Variants in ZNF682 observed in about 807,000 individuals in gnomAD.
The protein encoded by ZNF682 is zinc finger protein 682.
ZNF682 carries 29 observed loss-of-function variants against 36.5 expected under a neutral mutation model. That is an observed-to-expected ratio of 0.80 (90% CI 0.59 to 1.08). ZNF682 has a LOEUF of 1.08. Ranked by LOEUF, ZNF682 falls within the 50% of genes least tolerant of loss-of-function variation. ZNF682 has a pLI of 0.00. For synonymous variants in ZNF682, 180 were observed against 197.0 expected (o/e 0.91, Z 0.72); for missense variants, 561 against 579.7 (o/e 0.97, Z 0.33).
intron 3 of ZNF682, among the ~76,000 whole-genome samples, chr19:20,011,824 T>C (rs1463030566): frequency 1.3e-5 from 2 of 151,906 alleles, no homozygotes; most frequent in Non-Finnish European, 2.9e-5. Flanking sequence ...GATCACGAGA[T>C]CAGAGGTTCA....
intron 1 of ZNF682, chr19:20,034,001 C>A: frequency 6.4e-6 from 1 of 156,500 alleles, no homozygotes; most frequent in Non-Finnish European, 1.5e-5. Flanking sequence ...GCTTCTGAAA[C>A]ACCCAAGGCA....
chr19:20,013,173 A>C (rs573777294), intron 3 of ZNF682, among the ~76,000 whole-genome samples: 50 of 152,242 alleles, frequency 3.3e-4, no homozygotes, highest in African/African-American at 1.2e-3. Context: ...AAATTACATA[A>C]GGCAAACTAC....
intron 3 of ZNF682, among the ~76,000 whole-genome samples, chr19:20,018,023 C>T (rs78902790): frequency 0.076 from 11,280 of 148,932 alleles, 634 homozygotes; most frequent in East Asian, 0.2. Context: ...ATCAAAATCT[C>T]CATGGTAGTT....
chr19:20,023,841 C>T (rs2088408717), intron 2 of ZNF682, among the ~76,000 whole-genome samples: 1 of 151,650 alleles, frequency 6.6e-6, no homozygotes. Flanking sequence ...AATTAGCTGG[C>T]CGTGGTGGTG....
chr19:20,009,377 T>C (rs1220466514), intron 3 of ZNF682, among the ~76,000 whole-genome samples: 1 of 152,138 alleles, frequency 6.6e-6, no homozygotes, highest in South Asian at 2.1e-4. Context: ...TATGGAATTA[T>C]GTAAAGGGGT....
chr19:20,035,811 C>T (rs2088524302), intron 1 of ZNF682, among the ~76,000 whole-genome samples: 1 of 151,854 alleles, frequency 6.6e-6, no homozygotes, highest in African/African-American at 2.4e-5. Context: ...TCCTGGCTCA[C>T]TGCAACCTCT....
At chr19:20,012,446 C>T (rs971186285) in intron 3 of ZNF682, among the ~76,000 whole-genome samples, 7 of 152,094 alleles carry the variant, frequency 4.6e-5, no homozygotes, top group Non-Finnish European at 1.0e-4. Context: ...ATGCATCTGA[C>T]AAGGAACTAA....
chr19:20,028,179 G>A (rs115102934), intron 1 of ZNF682, among the ~76,000 whole-genome samples: 1,608 of 152,106 alleles, frequency 0.011, 27 homozygotes, highest in African/African-American at 0.037. Context: ...GAAATCATCT[G>A]GTATTTCAAG....
chr19:20,036,666 T>G (rs1303508799), intron 1 of ZNF682, among the ~76,000 whole-genome samples: 1 of 140,218 alleles, frequency 7.1e-6, no homozygotes, highest in Non-Finnish European at 1.6e-5. Context: ...AGAAAAAAGG[T>G]ACATATAAAA....
At chr19:20,037,154 G>A (rs1599620694) in intron 1 of ZNF682, among the ~76,000 whole-genome samples, 1 of 152,326 alleles carries the variant, frequency 6.6e-6, no homozygotes, top group East Asian at 1.9e-4. Flanking sequence ...TTGAACTACT[G>A]GACATCTGAC....
chr19:20,005,860 A>T lies in ZNF682; in HGVS notation c.*145T>A, dbSNP rs1258803886. The T allele has an allele frequency of 1.2e-6, 1 of 815,080 alleles. No individual in the cohort carries two copies. The highest frequency in any genetic ancestry group is 1.9e-6 in the Non-Finnish European group (1 of 533,038). The allele number at this position is 815,080 out of a possible 1,614,324, so 50.5% of individuals were successfully genotyped here. A position where few individuals can be genotyped will look rare whatever the true frequency, so the allele number is the denominator to read the frequency against. On this transcript the variant is annotated 3_prime_UTR_variant, in exon 4 of 4. Transcript: ENST00000397165. ...TTCTTCTGTGCAATAAGCTGTCAGC[A>T]ATGGTTGAAGACTTTCCCCACATTC...
chr19:20,027,791 A>C (rs997565581), intron 1 of ZNF682, among the ~76,000 whole-genome samples: 3 of 150,494 alleles, frequency 2.0e-5, no homozygotes, highest in South Asian at 2.1e-4. Context: ...AAAACAAAAA[A>C]AAAAAACAAA....
chr19:20,038,674 A>G (rs1254047430), intron 1 of ZNF682, among the ~76,000 whole-genome samples: 1 of 152,130 alleles, frequency 6.6e-6, no homozygotes, highest in Non-Finnish European at 1.5e-5. Flanking sequence ...AGGGGGAAAC[A>G]AAATTCAGAT....
At chr19:20,009,290 T>A (rs2088260588) in intron 3 of ZNF682, among the ~76,000 whole-genome samples, 1 of 152,138 alleles carries the variant, frequency 6.6e-6, no homozygotes, top group Non-Finnish European at 1.5e-5. Context: ...GCTCAGAGAC[T>A]GCTCCTTTAT....
chr19:20,022,942 T>C (rs2088398934), intron 3 of ZNF682, 62 bp downstream of exon 3: 2 of 1,367,868 alleles, frequency 1.5e-6, no homozygotes, highest in Non-Finnish European at 1.0e-6. Flanking sequence ...TCTTGAAGTC[T>C]GTCTTCCTTC....
At chr19:20,022,791 G>A (rs2088397559) in intron 3 of ZNF682, among the ~76,000 whole-genome samples, 1 of 152,210 alleles carries the variant, frequency 6.6e-6, no homozygotes, top group African/African-American at 2.4e-5. Flanking sequence ...GAGGACTTTG[G>A]CTCTCACTAT....
chr19:20,008,987 C>A (rs1335912642), intron 3 of ZNF682, among the ~76,000 whole-genome samples: 2 of 152,120 alleles, frequency 1.3e-5, no homozygotes, highest in Non-Finnish European at 2.9e-5. Flanking sequence ...TTATACACAA[C>A]ATACACCACA....
At chr19:20,001,366 G>A (rs2088167386), downstream of ZNF682, among the ~76,000 whole-genome samples, 1 of 152,194 alleles carries the variant, frequency 6.6e-6, no homozygotes, top group Non-Finnish European at 1.5e-5. Flanking sequence ...AAGGGGGTGA[G>A]ACTACTTTAC....
chr19:20,022,660 T>C (rs1157843557), intron 3 of ZNF682, among the ~76,000 whole-genome samples: 1 of 151,376 alleles, frequency 6.6e-6, no homozygotes, highest in Admixed American at 6.6e-5. Flanking sequence ...CGAAACTCTC[T>C]CTCTCAAAAA....
Sources: gnomAD v4.1 joint callset for allele counts (sites outside exome capture counted in the v4.1 genomes callset) on GRCh38, gnomAD v4.1.1 for gene constraint, MANE v1.5 for transcripts, NCBI Gene and HGNC (gene_info 2026-07-23, HGNC 2026-07-21) for gene names.